Variants in SDK2 observed in about 807,000 individuals in gnomAD.
The protein encoded by SDK2 is protein sidekick-2.
SDK2 carries 105 observed loss-of-function variants against 253.9 expected under a neutral mutation model. The observed-to-expected ratio is 0.41, with a 90% confidence interval of 0.35 to 0.49. The LOEUF (loss-of-function observed/expected upper bound fraction) is 0.49, where lower values mean the gene tolerates loss of function less well. Ranked by LOEUF, SDK2 falls within the 20% of genes least tolerant of loss-of-function variation. SDK2 has a pLI of 0.06. For missense variants in SDK2, 2,608 were observed against 3,003.0 expected (o/e 0.87, Z 3.07); for synonymous variants, 1,249 against 1,234.9 (o/e 1.01, Z -0.24).
intron 12 of SDK2, among the ~76,000 whole-genome samples, chr17:73,424,697 G>C (rs1599553956): frequency 6.6e-6 from 1 of 152,192 alleles, no homozygotes; most frequent in East Asian, 1.9e-4. Flanking sequence ...CATACAGGGA[G>C]TGCCAGCCCT....
chr17:73,623,783 TC>T (rs780081500), intron 1 of SDK2, among the ~76,000 whole-genome samples: 11 of 152,174 alleles, frequency 7.2e-5, no homozygotes, highest in Non-Finnish European at 1.5e-4. Context: ...TCTGCCCGTT[TC>T]CCGGATGTGA....
chr17:73,371,925 AC>A (rs2062737225), intron 36 of SDK2, among the ~76,000 whole-genome samples: 1 of 150,530 alleles, frequency 6.6e-6, no homozygotes, highest in Non-Finnish European at 1.5e-5. Flanking sequence ...GCACCACTGC[AC>A]TCCAGCCTGG....
chr17:73,584,887 A>T lies in SDK2; in HGVS notation c.64+59138T>A, dbSNP rs188726736. On this transcript the variant is annotated intron_variant, in intron 1 of 44. Transcript: ENST00000392650. ...AAGAGGAGTGATTCAGAACAGGAAG[A>T]CGCTCAGGTCGAAGCCCGTTGATTT... Among the ~76,000 whole-genome samples the T allele has an allele frequency of 1.2e-4, 18 of 152,354 alleles. No individual in the cohort carries two copies. The East Asian group carries it at 2.9e-3, about 24-fold the overall frequency.
At chr17:73,630,464 G>T (rs1365409326) in intron 1 of SDK2, among the ~76,000 whole-genome samples, 1 of 73,416 alleles carries the variant, frequency 1.4e-5, no homozygotes, top group Non-Finnish European at 2.7e-5. Context: ...CTCCCATCCC[G>T]CCCTCCTCCC....
At chr17:73,597,691 G>A (rs2045779123) in intron 1 of SDK2, among the ~76,000 whole-genome samples, 1 of 151,334 alleles carries the variant, frequency 6.6e-6, no homozygotes, top group African/African-American at 2.4e-5. Context: ...TGTCGCCCAG[G>A]CTGGAGTGCA....
intron 18 of SDK2, among the ~76,000 whole-genome samples, chr17:73,412,149 TATAC>T (rs2063143124): frequency 4.9e-4 from 4 of 8,214 alleles, no homozygotes; most frequent in Admixed American, 2.2e-3. Context: ...TATATGTATA[TATAC>T]GTATATATGT....
At chr17:73,587,674 CA>C (rs1299929087) in intron 1 of SDK2, among the ~76,000 whole-genome samples, 1 of 152,190 alleles carries the variant, frequency 6.6e-6, no homozygotes, top group Non-Finnish European at 1.5e-5. Flanking sequence ...CCCCGGGGGA[CA>C]ATCACCTTCC....
intron 2 of SDK2, among the ~76,000 whole-genome samples, chr17:73,473,932 C>G (rs1293377747): frequency 2.6e-5 from 4 of 152,056 alleles, no homozygotes; most frequent in African/African-American, 9.7e-5. Context: ...TAGAAATGGT[C>G]AGCATTTAAT....
At chr17:73,506,473 C>T (rs1228128837) in intron 2 of SDK2, among the ~76,000 whole-genome samples, 4 of 152,196 alleles carry the variant, frequency 2.6e-5, no homozygotes, top group Admixed American at 6.5e-5. Context: ...TGGGGAGTCA[C>T]TCCAAACTCT....
At chr17:73,516,542 C>T (rs1321022061) in intron 1 of SDK2, 3 of 152,456 alleles carry the variant, frequency 2.0e-5, no homozygotes, top group Non-Finnish European at 4.4e-5. Context: ...CCTTGGATTC[C>T]CTCCTCCTCC....
intron 18 of SDK2, among the ~76,000 whole-genome samples, chr17:73,413,452 G>A (rs939256692): frequency 2.0e-5 from 3 of 151,988 alleles, no homozygotes; most frequent in Admixed American, 6.6e-5. Context: ...GAATCATCCC[G>A]AAACCATCCC....
In SDK2 at chr17:73,402,136, G is replaced by C. The variant is rs139222271; in HGVS notation, c.2490C>G (p.Ile830Met). 1.2e-5 allele frequency: 20 copies of C among 1,613,120 alleles called. No individual in the cohort carries two copies. In the East Asian group the frequency reaches 2.0e-4, roughly 16 times the overall value. The change falls in exon 19 of 45, where the codon ATC becomes ATG. Residue 830 changes from isoleucine (I) to methionine (M), a missense_variant. Coordinates refer to ENST00000392650, the MANE Select transcript of SDK2 (RefSeq NM_001144952.2). ...CCTCTTCCTGTTCCGGCTCCCAGGC[G>C]ATCAGCTGCGGAGAGGCGAGCAAGT... ...INGINQGYKL[I>M]AWEPEQEEEV... is the part of the protein sequence containing the mutation.
intron 13 of SDK2, 25 bp downstream of exon 13, chr17:73,423,891 C>T (rs764861042): frequency 2.4e-5 from 36 of 1,527,704 alleles, no homozygotes; most frequent in Middle Eastern, 1.8e-4. Flanking sequence ...CCGCCTCTGC[C>T]GGGGTCTGGG....
In SDK2 at chr17:73,644,144, T is replaced by C. The variant is rs1288534365; in HGVS notation, c.-56A>G. The C allele has an allele frequency of 6.9e-6, 10 of 1,439,286 alleles. No homozygotes were observed. Among genetic ancestry groups the C allele is most frequent in the Non-Finnish European group, 9.6e-6 (10 of 1,045,424 alleles). The allele number at this position is 1,439,286 out of a possible 1,614,324, so 89.2% of individuals were successfully genotyped here. A position where few individuals can be genotyped will look rare whatever the true frequency, so the allele number is the denominator to read the frequency against. The stretch of plus-strand genomic sequence containing the variant: ...TCTCCCTTCCCTCCGCCCTGTTTTA[T>C]AATCCTGGTGGGGTCCGATACCCCG... On this transcript the variant is annotated 5_prime_UTR_variant, in exon 1 of 45. Transcript: ENST00000392650. The surrounding 1 kb of genome is among the most constrained non-coding windows in gnomAD (Gnocchi z 6.3).
intron 1 of SDK2, among the ~76,000 whole-genome samples, chr17:73,563,309 T>TA (rs1380331014): frequency 6.6e-6 from 1 of 152,232 alleles, no homozygotes; most frequent in Non-Finnish European, 1.5e-5. Context: ...TGCAGTGACT[T>TA]ACACCTGTCA....
At chr17:73,636,196 C>T (rs1305727271) in intron 1 of SDK2, among the ~76,000 whole-genome samples, 1 of 152,100 alleles carries the variant, frequency 6.6e-6, no homozygotes, top group African/African-American at 2.4e-5. Flanking sequence ...ATCCTGACTC[C>T]TCAACTTCCC....
chr17:73,472,738 G>A (rs370366959), intron 2 of SDK2, among the ~76,000 whole-genome samples: 62 of 152,260 alleles, frequency 4.1e-4, no homozygotes, highest in Admixed American at 1.4e-3. Context: ...CCTGTAGCTC[G>A]CATAATTCCA....
intron 2 of SDK2, among the ~76,000 whole-genome samples, chr17:73,494,839 G>C (rs1013487932): frequency 6.6e-6 from 1 of 152,238 alleles, no homozygotes; most frequent in African/African-American, 2.4e-5. Flanking sequence ...AGGCCAGGGT[G>C]GGGGCACGGG....
Position 73,503,797 on chromosome 17 carries a change from A to T in SDK2, c.224+3641T>A, listed in dbSNP as rs552541080. ...AGGGTGCTCCATGCTGTTGCCCACC[A>T]CGACTGGTCAGGGATGGTCTGAGCT... On this transcript the variant is annotated intron_variant, in intron 2 of 44. Coordinates refer to ENST00000392650, the MANE Select transcript of SDK2 (RefSeq NM_001144952.2). 1.9e-3 allele frequency among the ~76,000 whole-genome samples: 296 copies of T among 152,324 alleles called. 1 individual carries two copies. The highest frequency in any genetic ancestry group is 0.01 in the Middle Eastern group (3 of 294).
Sources: allele counts gnomAD v4.1 joint callset (sites outside exome capture counted in the v4.1 genomes callset), GRCh38; gene constraint gnomAD v4.1.1; non-coding constraint Gnocchi (gnomAD v3.1); transcripts MANE v1.5; gene names NCBI Gene and HGNC (gene_info 2026-07-23, HGNC 2026-07-21).